Variants in IKZF3 observed in about 807,000 individuals in gnomAD.
IKZF3 encodes the protein IKAROS family zinc finger 3.
Under a neutral mutation model 49.0 loss-of-function variants are expected in IKZF3, and 10 were observed. The ratio of observed to expected loss-of-function variants is 0.20; its 90% CI spans 0.13 to 0.35. The LOEUF (loss-of-function observed/expected upper bound fraction) is 0.35, where lower values mean the gene tolerates loss of function less well. Among genes scored for constraint, IKZF3 ranks in the 10% least tolerant of loss-of-function variants. The pLI is 1.00. For synonymous variants in IKZF3, 209 were observed against 228.2 expected (o/e 0.92, Z 0.76); for missense variants, 498 against 664.8 (o/e 0.75, Z 2.76).
chr17:39,829,856 G>C (rs977881887), intron 2 of IKZF3, among the ~76,000 whole-genome samples: 1 of 152,178 alleles, frequency 6.6e-6, no homozygotes, highest in African/African-American at 2.4e-5. Context: ...GGAGGCTGAG[G>C]CAGGAGAATC....
intron 1 of IKZF3, among the ~76,000 whole-genome samples, chr17:39,852,157 G>A (rs1440222835): frequency 6.6e-6 from 1 of 152,134 alleles, no homozygotes; most frequent in African/African-American, 2.4e-5. Context: ...ACTACAGATA[G>A]TGTAAATGTC....
intron 1 of IKZF3, among the ~76,000 whole-genome samples, chr17:39,841,397 T>C (rs1325635073): frequency 1.3e-5 from 2 of 151,960 alleles, no homozygotes; most frequent in Non-Finnish European, 2.9e-5. Flanking sequence ...AGTAGTCCAG[T>C]GCAAAGTACC....
intron 1 of IKZF3, among the ~76,000 whole-genome samples, chr17:39,861,377 T>C (rs1229721799): frequency 6.6e-5 from 10 of 152,124 alleles, no homozygotes; most frequent in African/African-American, 2.2e-4. Flanking sequence ...ATGGCGATGA[T>C]GCCTGAGCAG....
chr17:39,790,074 G>C (rs947566520), intron 5 of IKZF3, among the ~76,000 whole-genome samples: 15 of 152,066 alleles, frequency 9.9e-5, no homozygotes, highest in Admixed American at 9.2e-4. Context: ...TCTGTGCAAG[G>C]CTGGTCTTTC....
At chr17:39,804,211 C>T (rs2061385800) in intron 3 of IKZF3, among the ~76,000 whole-genome samples, 1 of 152,094 alleles carries the variant, frequency 6.6e-6, no homozygotes, top group Non-Finnish European at 1.5e-5. Flanking sequence ...CTTTGGGAGG[C>T]CAAGGCGGGC....
intron 1 of IKZF3, among the ~76,000 whole-genome samples, chr17:39,858,180 G>T (rs1025148980): frequency 3.9e-5 from 6 of 152,188 alleles, no homozygotes; most frequent in Admixed American, 1.3e-4. Flanking sequence ...TTCATTGGCT[G>T]GGCATTGGTG....
At chr17:39,858,756 A>G (rs1018365291) in intron 1 of IKZF3, among the ~76,000 whole-genome samples, 2 of 151,958 alleles carry the variant, frequency 1.3e-5, no homozygotes, top group East Asian at 1.9e-4. Context: ...ATAATACGGT[A>G]ATTCCATATT....
chr17:39,775,219 T>C (rs1465039550), intron 7 of IKZF3, among the ~76,000 whole-genome samples: 4 of 150,826 alleles, frequency 2.7e-5, no homozygotes, highest in Admixed American at 6.6e-5. Context: ...AAAAAAAAAA[T>C]TCCCCCAGTT....
chr17:39,841,421 G>A (rs1298536184), intron 1 of IKZF3, among the ~76,000 whole-genome samples: 1 of 152,084 alleles, frequency 6.6e-6, no homozygotes. Context: ...ACTCGAGTGG[G>A]GTGAAGAGGG....
At chr17:39,863,875 C>T (rs546338829) in intron 1 of IKZF3, among the ~76,000 whole-genome samples, 1 of 152,252 alleles carries the variant, frequency 6.6e-6, no homozygotes, top group East Asian at 1.9e-4. Context: ...GGTAGACCCC[C>T]CATGTCTGAC....
intron 3 of IKZF3, among the ~76,000 whole-genome samples, chr17:39,797,999 C>T (rs2061214649): frequency 6.6e-6 from 1 of 152,076 alleles, no homozygotes. Context: ...TTCCCAGTTA[C>T]TCAGGCTAGA....
intron 1 of IKZF3, among the ~76,000 whole-genome samples, chr17:39,838,313 T>C (rs572478431): frequency 6.6e-6 from 1 of 152,322 alleles, no homozygotes; most frequent in Admixed American, 6.5e-5. Flanking sequence ...CCCACAATGC[T>C]TTTTTCTCTG....
intron 3 of IKZF3, 30 bp downstream of exon 3, chr17:39,829,357 T>C (rs1250580475): frequency 1.4e-6 from 2 of 1,447,898 alleles, no homozygotes; most frequent in Admixed American, 1.7e-5. Flanking sequence ...TCTACAGGCA[T>C]CAGTGTTTAG....
chr17:39,773,422 G>C lies in IKZF3; in HGVS notation c.826+4229C>G, dbSNP rs190701407. ...TGGAAAAATACTTTTTTTTCTCTTA[G>C]AAACAGGTATTAAAACTGCTTCCTG... On this transcript the variant is annotated intron_variant, in intron 7 of 7. Transcript: ENST00000346872. Among the ~76,000 whole-genome samples, 152 of 152,244 alleles carry C rather than the reference G, an allele frequency of 1.0e-3. 2 individuals are homozygous for C. The highest frequency in any genetic ancestry group is 8.8e-5 in the Non-Finnish European group (6 of 68,010).
Position 39,761,559 on chromosome 17 carries a change from C to CATATATAT in IKZF3, c.*4230_*4231insATATATAT, listed in dbSNP as rs1436062422. The CATATATAT allele has an allele frequency of 1.3e-4, 18 of 143,864 alleles. No homozygotes were observed. Among genetic ancestry groups the CATATATAT allele is most frequent in the African/African-American group, 4.8e-4 (17 of 35,484 alleles). The allele number at this position is 143,864 out of a possible 1,614,324, so 8.9% of individuals were successfully genotyped here. On this transcript the variant is annotated 3_prime_UTR_variant, in exon 8 of 8. Transcript: ENST00000346872. ...TGAGACCCTGGTCCTCTAAAATATACATACATATATATACATATACAAAAA... is the reference window on the plus strand; with the variant it reads ...TGAGACCCTGGTCCTCTAAAATATACATATATATATACATATATATACATATACAAAAA...
chr17:39,804,974 A>G (rs2061402160), intron 3 of IKZF3, among the ~76,000 whole-genome samples: 1 of 152,200 alleles, frequency 6.6e-6, no homozygotes, highest in Non-Finnish European at 1.5e-5. Context: ...CTGGAAAGCC[A>G]TAGACATATA....
Position 39,792,833 on chromosome 17 carries a change from G to C in IKZF3, c.264C>G (p.Ser88Arg). 1.9e-6 allele frequency: 3 copies of C among 1,614,000 alleles called. No individual in the cohort carries two copies. Among genetic ancestry groups the C allele is most frequent in the Non-Finnish European group, 2.5e-6 (3 of 1,179,906 alleles). Reference protein sequence around the residue: ...GNAEEPEIPYSYSREYNEYEN... With the variant: ...GNAEEPEIPYRYSREYNEYEN... ...CATATTCATTATATTCTCTTGAATA[G>C]CTGTAAGGGATTTCAGGCTCTTCTG... Residue 88 changes from serine to arginine, a missense_variant, in exon 4 of 8, where the codon AGC (serine) becomes AGG (arginine). By Grantham distance (110) the Ser-to-Arg change is moderately radical. This residue lies in a region of IKZF3 where 84 missense variants were observed against 168.6 expected (regional missense o/e 0.50). Transcript: ENST00000346872.
At chr17:39,861,876 T>A (rs2063223722) in intron 1 of IKZF3, among the ~76,000 whole-genome samples, 1 of 152,206 alleles carries the variant, frequency 6.6e-6, no homozygotes, top group Non-Finnish European at 1.5e-5. Flanking sequence ...TTATGTACCT[T>A]GCTTATAAAG....
In IKZF3 at chr17:39,766,332, G is replaced by C; in HGVS notation, c.988C>G (p.Pro330Ala). 2 of 1,614,190 alleles carry C rather than the reference G, an allele frequency of 1.2e-6. No homozygotes were observed. Among genetic ancestry groups the C allele is most frequent in the Non-Finnish European group, 1.7e-6 (2 of 1,180,040 alleles). ...LRPLVQTPPA[P>A]TSEMVPVISS... is the part of the protein sequence containing the mutation. Reference sequence around the variant, plus strand: ...ATAACTGGAACCATCTCCGAGGTGGGAGCAGGCGGTGTCTGGACCAAGGGG... The same window carrying C: ...ATAACTGGAACCATCTCCGAGGTGGCAGCAGGCGGTGTCTGGACCAAGGGG... Residue 330 changes from proline (P) to alanine (A), a missense_variant, in exon 8 of 8, where the codon CCC becomes GCC. By Grantham distance (27) the Pro-to-Ala change is conservative. Coordinates refer to ENST00000346872, the MANE Select transcript of IKZF3 (RefSeq NM_012481.5).
Sources: gnomAD v4.1 joint callset for allele counts (sites outside exome capture counted in the v4.1 genomes callset) on GRCh38, gnomAD v4.1.1 for gene constraint, gnomAD v4.1.1 regional missense constraint, MANE v1.5 for transcripts, NCBI Gene and HGNC (gene_info 2026-07-23, HGNC 2026-07-21) for gene names.